TOPAZ1: variants seen among roughly 807,000 people sequenced by gnomAD.
TOPAZ1 encodes the protein testis and ovary specific TOPAZ 1, also known as protein TOPAZ1.
Under a neutral mutation model 172.2 loss-of-function variants are expected in TOPAZ1, and 66 were observed. The ratio of observed to expected loss-of-function variants is 0.38; its 90% CI spans 0.31 to 0.47. The LOEUF is 0.47. TOPAZ1 is among the 20% of genes least tolerant of loss of function. The pLI is 0.99. For synonymous variants in TOPAZ1, 681 were observed against 683.9 expected (o/e 1.00, Z 0.07); for missense variants, 1,822 against 1,972.4 (o/e 0.92, Z 1.44).
At position 44,262,499 on chromosome 3, in the gene TOPAZ1, C is replaced by G; in HGVS notation, c.3020+16C>G. 2 of 1,268,436 alleles carry G rather than the reference C, an allele frequency of 1.6e-6. No homozygotes were observed. Among genetic ancestry groups the G allele is most frequent in the Non-Finnish European group, 2.2e-6 (2 of 905,652 alleles). 78.6% of individuals were successfully genotyped at this position (1,268,436 alleles called of 1,614,324 possible). Reference sequence around the variant, plus strand: ...TTTGCAAAAGGTCTGTAACATAATTCTTAATTACATAACTTAAAATAGTCA... The same window carrying G: ...TTTGCAAAAGGTCTGTAACATAATTGTTAATTACATAACTTAAAATAGTCA... On this transcript the variant is annotated intron_variant, in intron 5 of 19. Transcript: ENST00000309765.
chr3:44,287,117 A>G (rs145009568), intron 9 of TOPAZ1, among the ~76,000 whole-genome samples: 2 of 152,266 alleles, frequency 1.3e-5, no homozygotes, highest in East Asian at 1.9e-4. Context: ...TATTGACGCT[A>G]TGATGTATGG....
intron 5 of TOPAZ1, among the ~76,000 whole-genome samples, chr3:44,264,024 A>C (rs745759984): frequency 1.3e-5 from 2 of 152,222 alleles, no homozygotes; most frequent in Non-Finnish European, 2.9e-5. Flanking sequence ...ACCTTTCCTG[A>C]AGACTAATTT....
intron 12 of TOPAZ1, 74 bp downstream of exon 12, chr3:44,290,960 C>G (rs1197103180): frequency 2.2e-6 from 2 of 906,756 alleles, no homozygotes; most frequent in Non-Finnish European, 3.3e-6. Context: ...GAAGGCAAAG[C>G]TCTAATAACT....
At position 44,270,726 on chromosome 3, in the gene TOPAZ1, T is replaced by C; in HGVS notation, c.3288T>C (p.Tyr1096=). ...TAGGGTTGATGATACCCTATAAATA[T>C]TGCAAATTTCATTTTAATACATTAC... ...KSLGLMIPYK[Y]CKFHFNTLRG... The change falls in exon 8 of 20, where the codon TAT becomes TAC. Residue 1096 remains tyrosine (Y), a synonymous_variant. Transcript: ENST00000309765. 1 of 1,550,872 alleles carries C rather than the reference T, an allele frequency of 6.4e-7. No homozygotes were observed. The highest frequency in any genetic ancestry group is 1.4e-5 in the African/African-American group (1 of 73,146).
intron 12 of TOPAZ1, among the ~76,000 whole-genome samples, chr3:44,295,725 T>A (rs1241951273): frequency 6.6e-6 from 1 of 152,112 alleles, no homozygotes; most frequent in Non-Finnish European, 1.5e-5. Flanking sequence ...AGCTTCAGAA[T>A]ACATGAAACA....
At chr3:44,284,840 T>C (rs1294137910) in intron 9 of TOPAZ1, among the ~76,000 whole-genome samples, 2 of 152,160 alleles carry the variant, frequency 1.3e-5, no homozygotes, top group Non-Finnish European at 2.9e-5. Flanking sequence ...AGATGACAAT[T>C]TCTGTGGTTT....
intron 18 of TOPAZ1, among the ~76,000 whole-genome samples, chr3:44,327,951 C>T (rs542952575): frequency 6.6e-6 from 1 of 152,146 alleles, no homozygotes; most frequent in South Asian, 2.1e-4. Flanking sequence ...ACCATGTTGG[C>T]CAGGCTGGTC....
chr3:44,279,783 A>G (rs907283772), intron 8 of TOPAZ1, among the ~76,000 whole-genome samples: 2 of 152,138 alleles, frequency 1.3e-5, no homozygotes, highest in Non-Finnish European at 2.9e-5. Flanking sequence ...TATATCTTTT[A>G]AGTGGAAAGT....
At chr3:44,288,397 C>T (rs1700101742) in intron 11 of TOPAZ1, among the ~76,000 whole-genome samples, 1 of 152,068 alleles carries the variant, frequency 6.6e-6, no homozygotes, top group Non-Finnish European at 1.5e-5. Flanking sequence ...TCAAAAGTTA[C>T]TGATTGCCAG....
chr3:44,284,091 G>A (rs1269387789), intron 9 of TOPAZ1, among the ~76,000 whole-genome samples: 2 of 149,892 alleles, frequency 1.3e-5, no homozygotes, highest in East Asian at 2.0e-4. Context: ...CGTCTGTCTT[G>A]GACATTTTGG....
rs757712425 is a variant in TOPAZ1 at position 44,255,058 on chromosome 3, A to G, written c.2827+29A>G. ...AAAGTTGACATTTTCAGAATATGCAATATTGAAGCATCTCTTTATATCTCC... is the reference window on the plus strand; with the variant it reads ...AAAGTTGACATTTTCAGAATATGCAGTATTGAAGCATCTCTTTATATCTCC... On this transcript the variant is annotated intron_variant, in intron 3 of 19. Transcript: ENST00000309765. 109 of 1,495,882 alleles carry G rather than the reference A, an allele frequency of 7.3e-5. 1 individual carries two copies. Among genetic ancestry groups the G allele is most frequent in the Admixed American group, 9.8e-5 (5 of 50,884 alleles). 92.7% of individuals were successfully genotyped at this position (1,495,882 alleles called of 1,614,324 possible). A position where few individuals can be genotyped will look rare whatever the true frequency, so the allele number is the denominator to read the frequency against.
chr3:44,254,606 A>T (rs1487562010), intron 2 of TOPAZ1, among the ~76,000 whole-genome samples: 7 of 138,262 alleles, frequency 5.1e-5, no homozygotes. Context: ...CAGCCTGGGC[A>T]ACAAGAGCGA....
intron 15 of TOPAZ1, among the ~76,000 whole-genome samples, chr3:44,307,867 GTGTACC>G (rs1418466508): frequency 6.6e-6 from 1 of 152,176 alleles, no homozygotes; most frequent in Non-Finnish European, 1.5e-5. Context: ...AGTAGGCAAG[GTGTACC>G]TTGTGTTTGC....
chr3:44,331,417 C>T (rs1221581182), intron 19 of TOPAZ1, among the ~76,000 whole-genome samples: 1 of 152,082 alleles, frequency 6.6e-6, no homozygotes, highest in African/African-American at 2.4e-5. Context: ...CCTCAACTTC[C>T]TGGGCTCAAG....
chr3:44,294,793 A>C (rs981358426), intron 12 of TOPAZ1, among the ~76,000 whole-genome samples: 1 of 152,198 alleles, frequency 6.6e-6, no homozygotes, highest in African/African-American at 2.4e-5. Flanking sequence ...TTTAATGCAC[A>C]TTTATATTTT....
At chr3:44,290,631 A>G in intron 11 of TOPAZ1, 140 bp from the exon 12 acceptor site, 4 of 582,992 alleles carry the variant, frequency 6.9e-6, no homozygotes, top group South Asian at 6.2e-5. Context: ...TCTGTGCCTC[A>G]ATTTTTTTAA....
intron 2 of TOPAZ1, among the ~76,000 whole-genome samples, chr3:44,252,055 A>G (rs13092122): frequency 0.46 from 70,092 of 151,988 alleles, 17,398 homozygotes; most frequent in East Asian, 0.8. Flanking sequence ...ATGTAATTTT[A>G]CCTTCCTTGT....
chr3:44,290,233 G>A (rs1284154338), intron 11 of TOPAZ1, among the ~76,000 whole-genome samples: 4 of 152,212 alleles, frequency 2.6e-5, no homozygotes, highest in Admixed American at 2.0e-4. Flanking sequence ...ATATTCCCTT[G>A]TTGGTTCTCT....
intron 19 of TOPAZ1, among the ~76,000 whole-genome samples, chr3:44,329,001 C>T (rs1487946068): frequency 6.6e-6 from 1 of 152,090 alleles, no homozygotes; most frequent in South Asian, 2.1e-4. Flanking sequence ...GTATGCCATA[C>T]GATTTCTTGT....
Sources: gnomAD v4.1 joint callset for allele counts (sites outside exome capture counted in the v4.1 genomes callset) on GRCh38, gnomAD v4.1.1 for gene constraint, MANE v1.5 for transcripts, NCBI Gene and HGNC (gene_info 2026-07-23, HGNC 2026-07-21) for gene names.